CFDP1: variants seen among roughly 807,000 people sequenced by gnomAD.
CFDP1 encodes heterochromatin-stabilizing protein CFDP1.
Under a neutral mutation model 40.1 loss-of-function variants are expected in CFDP1, and 31 were observed. That is an observed-to-expected ratio of 0.77 (90% CI 0.58 to 1.04). The LOEUF (loss-of-function observed/expected upper bound fraction) is 1.04, where lower values mean the gene tolerates loss of function less well. CFDP1 is among the 50% of genes least tolerant of loss of function. The pLI is 0.00. For synonymous variants in CFDP1, 167 were observed against 120.0 expected (o/e 1.39, Z -2.56); for missense variants, 423 against 343.4 (o/e 1.23, Z -1.83).
At position 75,387,809 on chromosome 16, in the gene CFDP1, T is replaced by C. The variant is rs76431351; in HGVS notation, c.650+7281A>G. On this transcript the variant is annotated intron_variant, in intron 5 of 6. Transcript: ENST00000283882. ...GCTGACAGGTATCAATGTACAAACA[T>C]ACCTGGAACTTATTTTTTAAAATGT... Among the ~76,000 whole-genome samples the C allele has an allele frequency of 3.1e-3, 477 of 152,296 alleles. 2 individuals carry two copies. Among genetic ancestry groups the C allele is most frequent in the African/African-American group, 0.011 (464 of 41,546 alleles).
chr16:75,348,079 G>T (rs1223383246), intron 5 of CFDP1, among the ~76,000 whole-genome samples: 3 of 152,196 alleles, frequency 2.0e-5, no homozygotes, highest in African/African-American at 7.2e-5. Context: ...GTCAAAATCT[G>T]AAGTCTATCG....
At chr16:75,349,331 G>A (rs2078591410) in intron 5 of CFDP1, among the ~76,000 whole-genome samples, 1 of 151,552 alleles carries the variant, frequency 6.6e-6, no homozygotes, top group Admixed American at 6.6e-5. Context: ...CCAAAATGGT[G>A]AACTCCCATC....
At chr16:75,326,090 C>T (rs534338476) in intron 5 of CFDP1, among the ~76,000 whole-genome samples, 89 of 152,170 alleles carry the variant, frequency 5.8e-4, no homozygotes, top group South Asian at 2.9e-3. Flanking sequence ...GTTTTTTGGT[C>T]CATGAAAACA....
At chr16:75,422,430 C>A (rs552107284) in intron 1 of CFDP1, among the ~76,000 whole-genome samples, 2 of 139,224 alleles carry the variant, frequency 1.4e-5, no homozygotes, top group African/African-American at 5.6e-5. Context: ...GACAGAGTCT[C>A]GCTCTGTTGC....
intron 5 of CFDP1, among the ~76,000 whole-genome samples, chr16:75,311,874 G>A (rs955041707): frequency 6.6e-6 from 1 of 151,236 alleles, no homozygotes; most frequent in African/African-American, 2.4e-5. Context: ...TAAGTAGCCG[G>A]GACTATAGGC....
Position 75,427,482 on chromosome 16 carries a change from A to C in CFDP1, c.64+5807T>G, listed in dbSNP as rs549845007. Among the ~76,000 whole-genome samples the C allele has an allele frequency of 5.9e-5, 9 of 152,220 alleles. 1 individual carries two copies. The South Asian group carries it at 1.9e-3, about 32-fold the overall frequency. ...TGGCCAGGCTGGTCTTGGACTCCTG[A>C]CCTTGTGATCTGCCTGCCTTGGCCT... is the stretch of plus-strand genomic sequence containing the variant. On this transcript the variant is annotated intron_variant, in intron 1 of 6. Coordinates refer to ENST00000283882, the MANE Select transcript of CFDP1 (RefSeq NM_006324.3).
intron 5 of CFDP1, among the ~76,000 whole-genome samples, chr16:75,331,929 C>T (rs1000830167): frequency 6.6e-6 from 1 of 152,204 alleles, no homozygotes; most frequent in Non-Finnish European, 1.5e-5. Context: ...CTACCATCAG[C>T]TATGTATGTT....
Position 75,433,278 on chromosome 16 carries a change from G to C in CFDP1, c.64+11C>G. ...GGCAATTCGCTTCTCGCCTCAGGCGGAATCGCTCACCCGACGGCACGTAGT... is the reference window on the plus strand; with the variant it reads ...GGCAATTCGCTTCTCGCCTCAGGCGCAATCGCTCACCCGACGGCACGTAGT... On this transcript the variant is annotated intron_variant, in intron 1 of 6. Transcript: ENST00000283882. 6.3e-7 allele frequency: 1 copy of C among 1,594,500 alleles called. No homozygotes were observed. Among genetic ancestry groups the C allele is most frequent in the Non-Finnish European group, 8.5e-7 (1 of 1,172,596 alleles).
At chr16:75,339,360 T>C (rs2078510892) in intron 5 of CFDP1, among the ~76,000 whole-genome samples, 5 of 152,200 alleles carry the variant, frequency 3.3e-5, no homozygotes. Context: ...TTTTTTCTTA[T>C]TTCATGAGTG....
chr16:75,315,109 T>A (rs1370900466), intron 5 of CFDP1, among the ~76,000 whole-genome samples: 1 of 151,972 alleles, frequency 6.6e-6, no homozygotes, highest in Non-Finnish European at 1.5e-5. Flanking sequence ...CATCACATAA[T>A]TGGGCCATCA....
intron 5 of CFDP1, among the ~76,000 whole-genome samples, chr16:75,316,595 A>AG (rs2078324452): frequency 6.7e-6 from 1 of 149,620 alleles, no homozygotes; most frequent in African/African-American, 2.5e-5. Context: ...AAAAAAAAAA[A>AG]GTCCTATTTG....
At chr16:75,310,016 T>G (rs531583866) in intron 5 of CFDP1, among the ~76,000 whole-genome samples, 1 of 152,228 alleles carries the variant, frequency 6.6e-6, no homozygotes, top group Non-Finnish European at 1.5e-5. Flanking sequence ...TTCAAAGAAA[T>G]GCACCATGCA....
At chr16:75,344,409 A>G (rs1350980900) in intron 5 of CFDP1, among the ~76,000 whole-genome samples, 1 of 152,236 alleles carries the variant, frequency 6.6e-6, no homozygotes, top group African/African-American at 2.4e-5. Flanking sequence ...TAATTGCTTT[A>G]GAAAACAAAA....
chr16:75,382,368 A>G (rs1439097930), intron 5 of CFDP1, among the ~76,000 whole-genome samples: 1 of 152,228 alleles, frequency 6.6e-6, no homozygotes, highest in East Asian at 1.9e-4. Context: ...GTTCTACTTC[A>G]AAGGGTTTAA....
At chr16:75,316,038 T>C (rs987681232) in intron 5 of CFDP1, among the ~76,000 whole-genome samples, 11 of 152,212 alleles carry the variant, frequency 7.2e-5, no homozygotes, top group African/African-American at 2.7e-4. Flanking sequence ...CCAGTCTGGT[T>C]GACCTATAGA....
intron 5 of CFDP1, among the ~76,000 whole-genome samples, chr16:75,388,205 G>C (rs764619121): frequency 6.6e-6 from 1 of 152,204 alleles, no homozygotes; most frequent in African/African-American, 2.4e-5. Flanking sequence ...CACAAAGTTA[G>C]TGCCTACTCT....
At chr16:75,399,606 T>C (rs1433892477) in intron 4 of CFDP1, among the ~76,000 whole-genome samples, 1 of 152,136 alleles carries the variant, frequency 6.6e-6, no homozygotes, top group Admixed American at 6.5e-5. Flanking sequence ...TTCAAACTCC[T>C]GGGCTCAAGT....
At chr16:75,392,752 A>G (rs2078962685) in intron 5 of CFDP1, among the ~76,000 whole-genome samples, 1 of 152,176 alleles carries the variant, frequency 6.6e-6, no homozygotes, top group Non-Finnish European at 1.5e-5. Flanking sequence ...ATGTGCTCTG[A>G]TATTTTCTCT....
intron 5 of CFDP1, among the ~76,000 whole-genome samples, chr16:75,357,827 T>C (rs934212848): frequency 3.3e-5 from 5 of 152,222 alleles, no homozygotes; most frequent in African/African-American, 1.2e-4. Flanking sequence ...AACTTTTCTT[T>C]TGCATTTACA....
Sources: gnomAD v4.1 joint callset for allele counts (sites outside exome capture counted in the v4.1 genomes callset) on GRCh38, gnomAD v4.1.1 for gene constraint, MANE v1.5 for transcripts, NCBI Gene and HGNC (gene_info 2026-07-23, HGNC 2026-07-21) for gene names.